The following TMPRSS2 variants were observed in gnomAD, a reference collection of about 807,000 sequenced individuals.
TMPRSS2 encodes transmembrane serine protease 2, also known as transmembrane protease serine 2.
In TMPRSS2, 59 loss-of-function variants were observed where a neutral mutation model predicts 67.4. The ratio of observed to expected loss-of-function variants is 0.88; its 90% CI spans 0.71 to 1.09. TMPRSS2 has a LOEUF of 1.09. Ranked by LOEUF, TMPRSS2 falls within the 50% of genes least tolerant of loss-of-function variation. TMPRSS2 has a pLI of 0.00. For missense variants in TMPRSS2, 668 were observed against 642.7 expected, an observed-to-expected ratio of 1.04 and a Z score of -0.43; for synonymous variants, 257 against 257.0, an observed-to-expected ratio of 1.00 and a Z score of 0.00.
At position 41,478,792 on chromosome 21, in the gene TMPRSS2, C is replaced by T. The variant is rs149076631; in HGVS notation, c.683+380G>A. On this transcript the variant is annotated intron_variant, in intron 7 of 13. Coordinates refer to ENST00000332149, the MANE Select transcript of TMPRSS2 (RefSeq NM_005656.4). The surrounding 1 kb of genome is among the most constrained non-coding windows in gnomAD (Gnocchi z 4.0). ...CCCTGGCAAACTGGAATGAGCCGGT[C>T]ACCCTGGCTGGGACACTGAGACATT... Among the ~76,000 whole-genome samples the T allele has an allele frequency of 1.2e-3, 180 of 152,344 alleles. No homozygotes were observed. The highest frequency in any genetic ancestry group is 4.0e-3 in the African/African-American group (168 of 41,582).
chr21:41,473,399 G>A lies in TMPRSS2; in HGVS notation c.825C>T (p.Val275=). Residue 275 remains valine, a synonymous_variant, in exon 9 of 14, where the codon GTC becomes GTT. Coordinates refer to ENST00000332149, the MANE Select transcript of TMPRSS2 (RefSeq NM_005656.4). ...AGCCTCCGCACACGTGGACGTTCTG[G>A]ACGTGCAGGCTGACCTGCCAGGGCC... The part of the protein sequence containing the change: ...GAWPWQVSLH[V]QNVHVCGGSI... 1 of 1,610,352 alleles carries A rather than the reference G, an allele frequency of 6.2e-7. No homozygotes were observed. The highest frequency in any genetic ancestry group is 1.1e-5 in the South Asian group (1 of 90,602).
intron 9 of TMPRSS2, among the ~76,000 whole-genome samples, chr21:41,472,668 G>A (rs1016218293): frequency 2.6e-5 from 4 of 152,200 alleles, no homozygotes; most frequent in Admixed American, 1.3e-4. Flanking sequence ...GATCAGAGAC[G>A]TTGAGTGAAT....
chr21:41,472,873 C>T (rs1438972119), intron 9 of TMPRSS2, among the ~76,000 whole-genome samples: 4 of 152,166 alleles, frequency 2.6e-5, no homozygotes, highest in African/African-American at 9.7e-5. Flanking sequence ...GCTAGCCTCA[C>T]CCCTACCTAA....
intron 3 of TMPRSS2, among the ~76,000 whole-genome samples, chr21:41,492,634 A>G (rs1028369273): frequency 6.6e-6 from 1 of 152,230 alleles, no homozygotes; most frequent in Non-Finnish European, 1.5e-5. Context: ...ATTATTTCTG[A>G]GTTTATAAAT....
rs747812649 is a variant in TMPRSS2, at chr21:41,488,422, G to A, written c.417C>T (p.Cys139=). 4 of 1,613,534 alleles carry A rather than the reference G, an allele frequency of 2.5e-6. No homozygotes were observed. The highest frequency in any genetic ancestry group is 2.2e-5 in the South Asian group (2 of 91,052). ...ACCGATTCTCGTCCTCCCCGCCGGG[G>A]CAGTGTGACACGCCATCACACCAGT... ...PSNWCDGVSH[C]PGGEDENRCV... The change falls in exon 5 of 14, where the codon TGC becomes TGT. Residue 139 remains cysteine, a synonymous_variant. Coordinates refer to ENST00000332149, the MANE Select transcript of TMPRSS2 (RefSeq NM_005656.4).
At chr21:41,493,547 A>G (rs768361512) in intron 3 of TMPRSS2, among the ~76,000 whole-genome samples, 15 of 152,244 alleles carry the variant, frequency 9.9e-5, no homozygotes, top group Non-Finnish European at 2.2e-4. Flanking sequence ...TAGAGACAGG[A>G]TGCACATTTC....
chr21:41,501,633 A>G (rs1283523524), intron 1 of TMPRSS2, among the ~76,000 whole-genome samples: 79 of 138,958 alleles, frequency 5.7e-4, no homozygotes, highest in African/African-American at 1.9e-3. Context: ...AAAAAAAAAA[A>G]AAAGAAACAA....
chr21:41,468,330 T>C, intron 12 of TMPRSS2, 66 bp downstream of exon 12: 1 of 1,581,674 alleles, frequency 6.3e-7, no homozygotes, highest in Admixed American at 1.7e-5. Flanking sequence ...AAGAATGCCC[T>C]CTCTCTCATG....
intron 7 of TMPRSS2, among the ~76,000 whole-genome samples, chr21:41,476,940 G>C (rs780320535): frequency 1.2e-4 from 19 of 152,070 alleles, no homozygotes; most frequent in Admixed American, 3.3e-4. Flanking sequence ...TTTTCCTCTT[G>C]GAATTTAAAA....
At chr21:41,467,634 G>T in intron 13 of TMPRSS2, 100 bp downstream of exon 13, 1 of 1,424,268 alleles carries the variant, frequency 7.0e-7, no homozygotes, top group Non-Finnish European at 9.7e-7. Context: ...CTGACCAGTG[G>T]TCACCAGTCA....
chr21:41,464,714 A>C lies in TMPRSS2; in HGVS notation c.*1428T>G, dbSNP rs1179668119. 8.6e-6 allele frequency: 2 copies of C among 233,240 alleles called. No individual in the cohort carries two copies. The highest frequency in any genetic ancestry group is 1.7e-5 in the Non-Finnish European group (2 of 118,070). The allele number at this position is 233,240 out of a possible 1,614,324, so 14.4% of individuals were successfully genotyped here. On this transcript the variant is annotated 3_prime_UTR_variant, in exon 14 of 14. Transcript: ENST00000332149. Reference sequence around the variant, plus strand: ...TTTCACCATTACAACACCTTTTAGGATGTGTCTTGGGGAGCAAGCACCTTA... The same window carrying C: ...TTTCACCATTACAACACCTTTTAGGCTGTGTCTTGGGGAGCAAGCACCTTA...
chr21:41,471,685 G>T, intron 10 of TMPRSS2, 121 bp downstream of exon 10: 1 of 1,190,608 alleles, frequency 8.4e-7, no homozygotes, highest in Non-Finnish European at 1.2e-6. Flanking sequence ...GCCACCCGCT[G>T]CACGCTACCC....
chr21:41,504,350 C>A (rs920438328), intron 1 of TMPRSS2, among the ~76,000 whole-genome samples: 1 of 152,224 alleles, frequency 6.6e-6, no homozygotes, highest in Non-Finnish European at 1.5e-5. Context: ...GCCCTCACCT[C>A]CCTCTCCCAG....
At chr21:41,475,787 TGTGA>T (rs1463544239) in intron 8 of TMPRSS2, among the ~76,000 whole-genome samples, 4 of 151,276 alleles carry the variant, frequency 2.6e-5, no homozygotes, top group Middle Eastern at 6.8e-3. Context: ...GCTTCCTGTG[TGTGA>T]GTGTCTTCTC....
chr21:41,471,965 A>G lies in TMPRSS2; in HGVS notation c.916T>C (p.Trp306Arg), dbSNP rs762655832. Reference sequence around the variant, plus strand: ...ATCCCCGCAAATGCCGTCCAATGCCATGGATTGTTAAGAGGTCTGGGAGAG... The same window carrying G: ...ATCCCCGCAAATGCCGTCCAATGCCGTGGATTGTTAAGAGGTCTGGGAGAG... ...HCVEKPLNNP[W>R]HWTAFAGILR... Residue 306 changes from tryptophan (W) to arginine (R), a missense_variant, in exon 10 of 14, where the codon TGG becomes CGG. Coordinates refer to ENST00000332149, the MANE Select transcript of TMPRSS2 (RefSeq NM_005656.4). 6.2e-7 allele frequency: 1 copy of G among 1,609,946 alleles called. No individual in the cohort carries two copies. The highest frequency in any genetic ancestry group is 8.5e-7 in the Non-Finnish European group (1 of 1,177,254).
intron 3 of TMPRSS2, among the ~76,000 whole-genome samples, chr21:41,493,776 G>A (rs1786475045): frequency 6.6e-6 from 1 of 152,210 alleles, no homozygotes; most frequent in African/African-American, 2.4e-5. Flanking sequence ...AGGAGGGACT[G>A]AAGTGACAGC....
chr21:41,469,410 GC>G (rs1467321901), intron 11 of TMPRSS2, among the ~76,000 whole-genome samples: 4 of 151,872 alleles, frequency 2.6e-5, no homozygotes, highest in African/African-American at 7.3e-5. Context: ...TCCCCACGCA[GC>G]TGCCAGATCA....
At chr21:41,470,586 C>T (rs978545875) in intron 11 of TMPRSS2, 62 bp downstream of exon 11, 28 of 1,522,502 alleles carry the variant, frequency 1.8e-5, no homozygotes, top group Middle Eastern at 1.7e-4. Context: ...GGACCTCCCA[C>T]TTCCGAACCC....
Position 41,479,253 on chromosome 21 carries a change from A to G in TMPRSS2, c.602T>C (p.Val201Ala). The change falls in exon 7 of 14, where the codon GTG (valine) becomes GCG (alanine). Residue 201 changes from valine to alanine, a missense_variant. Physicochemically the swap from Val to Ala is moderately conservative, Grantham distance 64. Transcript: ENST00000332149. Reference sequence around the variant, plus strand: ...AAAGCTGGTGGATCCGCTGTCATCCACTATTCCTTGGCTAGAGTAAAAATT... The same window carrying G: ...AAAGCTGGTGGATCCGCTGTCATCCGCTATTCCTTGGCTAGAGTAAAAATT... ...KNNFYSSQGIVDDSGSTSFMK... is the reference protein window; with the variant it reads ...KNNFYSSQGIADDSGSTSFMK... 6.2e-7 allele frequency: 1 copy of G among 1,614,016 alleles called. No individual in the cohort carries two copies. The highest frequency in any genetic ancestry group is 8.5e-7 in the Non-Finnish European group (1 of 1,179,980).
Sources: allele counts gnomAD v4.1 joint callset (sites outside exome capture counted in the v4.1 genomes callset), GRCh38; gene constraint gnomAD v4.1.1; non-coding constraint Gnocchi (gnomAD v3.1); transcripts MANE v1.5; gene names NCBI Gene and HGNC (gene_info 2026-07-23, HGNC 2026-07-21).